The following CNTN5 variants were observed in gnomAD, a reference collection of about 807,000 sequenced individuals.
CNTN5 encodes contactin-5.
In CNTN5, 77 loss-of-function variants were observed where a neutral mutation model predicts 129.1. The ratio of observed to expected loss-of-function variants is 0.60; its 90% confidence interval spans 0.50 to 0.72. CNTN5 has a LOEUF of 0.72. CNTN5 is among the 30% of genes least tolerant of loss of function. CNTN5 has a pLI of 0.00. For synonymous variants in CNTN5, 509 were observed against 465.6 expected, an observed-to-expected ratio of 1.09 and a Z score of -1.20; for missense variants, 1,478 against 1,328.8, an observed-to-expected ratio of 1.11 and a Z score of -1.75.
At chr11:99,957,621 T>C (rs11222043) in intron 8 of CNTN5, among the ~76,000 whole-genome samples, 67,303 of 151,988 alleles carry the variant, frequency 0.44, 16,240 homozygotes, top group South Asian at 0.55. Context: ...AGAATTCAAG[T>C]GCTATATTAC....
At chr11:99,804,685 A>G (rs894867228) in intron 3 of CNTN5, among the ~76,000 whole-genome samples, 6 of 151,572 alleles carry the variant, frequency 4.0e-5, no homozygotes, top group African/African-American at 1.4e-4. Flanking sequence ...AACTCTTAAT[A>G]TGGAAGGAAT....
intron 18 of CNTN5, among the ~76,000 whole-genome samples, 188 bp downstream of exon 18, chr11:100,271,429 C>T (rs190789014): frequency 5.1e-4 from 78 of 152,040 alleles, no homozygotes; most frequent in African/African-American, 1.7e-3. Flanking sequence ...ACTTTTTCTC[C>T]CTGTTTCCAC....
In CNTN5 at chr11:99,792,246, G is replaced by A. The variant is rs142131726; in HGVS notation, c.56-27298G>A. The stretch of plus-strand genomic sequence containing the variant: ...TGTTGACTGTGGGTTTGTCAGAGAT[G>A]ACTTATTATTTTGAAGTATGTTTCT... On this transcript the variant is annotated intron_variant, in intron 3 of 24. Coordinates refer to ENST00000524871, the MANE Select transcript of CNTN5 (RefSeq NM_014361.4). Among the ~76,000 whole-genome samples, 11 of 152,142 alleles carry A rather than the reference G, an allele frequency of 7.2e-5. No homozygotes were observed. In the East Asian group the frequency reaches 2.1e-3, roughly 29 times the overall value.
chr11:99,787,888 T>C (rs1383170356), intron 3 of CNTN5, among the ~76,000 whole-genome samples: 2 of 152,000 alleles, frequency 1.3e-5, no homozygotes, highest in Non-Finnish European at 2.9e-5. Flanking sequence ...AACCAGACCA[T>C]ATACGGATCT....
intron 7 of CNTN5, among the ~76,000 whole-genome samples, chr11:99,937,895 T>G (rs1591449095): frequency 6.6e-6 from 1 of 152,208 alleles, no homozygotes; most frequent in East Asian, 1.9e-4. Flanking sequence ...TGTAGAAGTT[T>G]AGCCTGTTGT....
At chr11:99,351,500 T>A (rs1300194812) in intron 2 of CNTN5, among the ~76,000 whole-genome samples, 1 of 152,244 alleles carries the variant, frequency 6.6e-6, no homozygotes, top group African/African-American at 2.4e-5. Context: ...CCTTTCATTT[T>A]AAAATCCTTC....
At chr11:99,725,793 T>C (rs1024609880) in intron 3 of CNTN5, among the ~76,000 whole-genome samples, 2 of 152,172 alleles carry the variant, frequency 1.3e-5, no homozygotes, top group Non-Finnish European at 2.9e-5. Context: ...CCATTTTGAA[T>C]GGTCCAGTGG....
chr11:99,771,906 T>C (rs942385064), intron 3 of CNTN5, among the ~76,000 whole-genome samples: 1 of 151,894 alleles, frequency 6.6e-6, no homozygotes, highest in Non-Finnish European at 1.5e-5. Flanking sequence ...AACTTTACTG[T>C]ATATTATATA....
intron 13 of CNTN5, among the ~76,000 whole-genome samples, chr11:100,099,244 C>G (rs1390250508): frequency 6.6e-6 from 1 of 152,012 alleles, no homozygotes; most frequent in East Asian, 1.9e-4. Flanking sequence ...CTGGAATAAC[C>G]AACTGTCCTA....
chr11:99,676,050 C>T (rs1224959099), intron 3 of CNTN5, among the ~76,000 whole-genome samples: 2 of 152,054 alleles, frequency 1.3e-5, no homozygotes, highest in Admixed American at 6.5e-5. Context: ...TGCCTTCCAG[C>T]GATGTTGTAA....
chr11:99,983,571 A>T (rs1403997303), intron 8 of CNTN5, among the ~76,000 whole-genome samples: 1 of 152,194 alleles, frequency 6.6e-6, no homozygotes, highest in South Asian at 2.1e-4. Context: ...TCAGCACAAA[A>T]ACTCTAGTAG....
In CNTN5 at chr11:99,930,818, C is replaced by CACAT. The variant is rs1261996653; in HGVS notation, c.673+14670_673+14671insCATA. On this transcript the variant is annotated intron_variant, in intron 7 of 24. Coordinates refer to ENST00000524871, the MANE Select transcript of CNTN5 (RefSeq NM_014361.4). ...ACAAACACACACACACACACACACA[C>CACAT]ATTTTAGTATTTTTACCAAGTAAAA... Among the ~76,000 whole-genome samples, 29 of 151,616 alleles carry CACAT rather than the reference C, an allele frequency of 1.9e-4. No individual in the cohort carries two copies. The East Asian group carries it at 5.0e-3, about 26-fold the overall frequency.
chr11:100,188,331 G>A (rs531652720), intron 13 of CNTN5, among the ~76,000 whole-genome samples: 6 of 152,132 alleles, frequency 3.9e-5, no homozygotes, highest in Non-Finnish European at 7.4e-5. Flanking sequence ...GGCGAGGAGA[G>A]ACCTGAGGCA....
chr11:99,025,833 T>C (rs1482973929), intron 1 of CNTN5, among the ~76,000 whole-genome samples: 1 of 151,734 alleles, frequency 6.6e-6, no homozygotes, highest in Non-Finnish European at 1.5e-5. Flanking sequence ...CTTTATTTTC[T>C]TAAATAATTA....
chr11:99,867,934 G>A (rs572873679), intron 6 of CNTN5, among the ~76,000 whole-genome samples: 2 of 152,122 alleles, frequency 1.3e-5, no homozygotes, highest in Non-Finnish European at 2.9e-5. Flanking sequence ...CATAAAACTG[G>A]CCAAGCGCGG....
chr11:99,589,773 A>T (rs669381), intron 3 of CNTN5, among the ~76,000 whole-genome samples: 83,946 of 152,080 alleles, frequency 0.55, 25,104 homozygotes, highest in East Asian at 0.75. Flanking sequence ...TAAAACAAAT[A>T]CTATGTCTCT....
chr11:99,160,857 T>C (rs1165385351), intron 1 of CNTN5, among the ~76,000 whole-genome samples: 3 of 152,188 alleles, frequency 2.0e-5, no homozygotes, highest in Non-Finnish European at 4.4e-5. Flanking sequence ...AAGAGATACA[T>C]ATTACATGCC....
intron 1 of CNTN5, among the ~76,000 whole-genome samples, chr11:99,252,439 A>G (rs1299815811): frequency 1.3e-5 from 2 of 151,726 alleles, no homozygotes; most frequent in Non-Finnish European, 2.9e-5. Flanking sequence ...TATTTCATCA[A>G]CCAGTAACAT....
chr11:99,977,761 T>C (rs7937627), intron 8 of CNTN5, among the ~76,000 whole-genome samples: 1,640 of 152,302 alleles, frequency 0.011, 29 homozygotes, highest in African/African-American at 0.035. Context: ...GGGATTATAA[T>C]TCAACATAAG....
Sources: gnomAD v4.1 joint callset for allele counts (sites outside exome capture counted in the v4.1 genomes callset) on GRCh38, gnomAD v4.1.1 for gene constraint, MANE v1.5 for transcripts, NCBI Gene and HGNC (gene_info 2026-07-23, HGNC 2026-07-21) for gene names.